Variants in NF2 observed in about 807,000 individuals in gnomAD.
NF2 encodes merlin.
NF2 carries 8 observed loss-of-function variants against 83.7 expected under a neutral mutation model. That is an observed-to-expected ratio of 0.10 (90% CI 0.06 to 0.17). The LOEUF is 0.17. Ranked by LOEUF, NF2 falls within the 10% of genes least tolerant of loss-of-function variation. The pLI is 1.00. For synonymous variants in NF2, 266 were observed against 269.6 expected, an observed-to-expected ratio of 0.99 and a Z score of 0.13; for missense variants, 533 against 744.4, an observed-to-expected ratio of 0.72 and a Z score of 3.31.
At chr22:29,649,784 A>AG (rs949519590) in intron 4 of NF2, among the ~76,000 whole-genome samples, 47 of 151,826 alleles carry the variant, frequency 3.1e-4, no homozygotes, top group African/African-American at 1.1e-3. Flanking sequence ...TGGTACAAAA[A>AG]AAAAAAAGAA....
At chr22:29,646,606 T>C (rs2065988119) in intron 4 of NF2, among the ~76,000 whole-genome samples, 2 of 152,222 alleles carry the variant, frequency 1.3e-5, no homozygotes, top group South Asian at 4.1e-4. Context: ...ACAAATGTAT[T>C]CATTACAGTA....
intron 1 of NF2, among the ~76,000 whole-genome samples, chr22:29,625,019 G>A (rs1021998548): frequency 7.0e-6 from 1 of 141,854 alleles, no homozygotes. Flanking sequence ...TGCAACCTCC[G>A]CCTCTGCCTC....
chr22:29,666,834 G>A (rs1041149394), intron 9 of NF2, among the ~76,000 whole-genome samples: 1 of 152,006 alleles, frequency 6.6e-6, no homozygotes, highest in Admixed American at 6.6e-5. Context: ...AAATTAGCTG[G>A]GCGTGGTGGC....
intron 14 of NF2, among the ~76,000 whole-genome samples, chr22:29,681,040 T>C (rs1377788783): frequency 1.3e-5 from 2 of 151,294 alleles, no homozygotes; most frequent in Non-Finnish European, 3.0e-5. Flanking sequence ...TACTCTTTCT[T>C]TTTCTTTCCT....
intron 3 of NF2, among the ~76,000 whole-genome samples, 161 bp downstream of exon 3, chr22:29,639,373 C>A (rs2065738690): frequency 6.6e-6 from 1 of 152,098 alleles, no homozygotes; most frequent in African/African-American, 2.4e-5. Flanking sequence ...GGCTTCAGAA[C>A]AGAACTATAC....
At chr22:29,681,744 T>C in intron 15 of NF2, 143 bp downstream of exon 15, 1 of 972,072 alleles carries the variant, frequency 1.0e-6, no homozygotes, top group Non-Finnish European at 1.6e-6. Context: ...TTTTTTAACT[T>C]ATGCCAGAAA....
intron 1 of NF2, among the ~76,000 whole-genome samples, chr22:29,621,113 C>A (rs2065208350): frequency 6.6e-6 from 1 of 152,162 alleles, no homozygotes; most frequent in Admixed American, 6.5e-5. Flanking sequence ...TAATATCGAC[C>A]AGTAAAGCCT....
intron 1 of NF2, among the ~76,000 whole-genome samples, chr22:29,623,751 A>G (rs2065274459): frequency 1.3e-5 from 2 of 152,146 alleles, no homozygotes; most frequent in Non-Finnish European, 2.9e-5. Flanking sequence ...TTACTTGTGT[A>G]AAATCATCAA....
chr22:29,694,910 T>C lies in NF2; in HGVS notation c.*108T>C. The stretch of plus-strand genomic sequence containing the variant: ...ATAGGGAGCTGGCTGGGGGTTTCCG[T>C]GGGAGCTCCAGAACTTTCCCCAGCT... On this transcript the variant is annotated 3_prime_UTR_variant, in exon 16 of 16. Coordinates refer to ENST00000338641, the MANE Select transcript of NF2 (RefSeq NM_000268.4). This position sits in a 1 kb window ranked among gnomAD's most constrained non-coding sequence, Gnocchi z 4.1. 2 of 1,196,056 alleles carry C rather than the reference T, an allele frequency of 1.7e-6. No individual in the cohort carries two copies. Among genetic ancestry groups the C allele is most frequent in the Non-Finnish European group, 2.4e-6 (2 of 824,984 alleles). 74.1% of individuals were successfully genotyped at this position (1,196,056 alleles called of 1,614,324 possible).
At chr22:29,683,122 C>A in intron 15 of NF2, 1 of 1,614,146 alleles carries the variant, frequency 6.2e-7, no homozygotes, top group African/African-American at 1.3e-5. Context: ...GTGATACTAA[C>A]CCGTGCATGA....
chr22:29,696,526 A>G lies in NF2; in HGVS notation c.*1724A>G. ...TCTGGCAATTCCATCTGGTTTTGAG[A>G]AACTTAGCAGCTCACAGAGCACAGA... On this transcript the variant is annotated 3_prime_UTR_variant, in exon 16 of 16. Transcript: ENST00000338641. The G allele has an allele frequency of 4.6e-6, 1 of 218,234 alleles. No homozygotes were observed. The highest frequency in any genetic ancestry group is 6.7e-5 in the East Asian group (1 of 14,946). 13.5% of individuals were successfully genotyped at this position (218,234 alleles called of 1,614,324 possible).
Position 29,694,917 on chromosome 22 carries a change from TC to T in NF2, c.*117del. On this transcript the variant is annotated 3_prime_UTR_variant, in exon 16 of 16. Transcript: ENST00000338641. This position sits in a 1 kb window ranked among gnomAD's most constrained non-coding sequence, Gnocchi z 4.1. ...GCTGGCTGGGGGTTTCCGTGGGAGC[TC>T]CAGAACTTTCCCCAGCTGAGTGAAG... 1 of 1,057,702 alleles carries T rather than the reference TC, an allele frequency of 9.5e-7. No homozygotes were observed. The highest frequency in any genetic ancestry group is 1.4e-6 in the Non-Finnish European group (1 of 700,736). 65.5% of individuals were successfully genotyped at this position (1,057,702 alleles called of 1,614,324 possible).
intron 1 of NF2, among the ~76,000 whole-genome samples, chr22:29,617,865 G>C (rs567987269): frequency 6.6e-6 from 1 of 152,314 alleles, no homozygotes; most frequent in African/African-American, 2.4e-5. Context: ...AAAGAAGACA[G>C]ACCTGGGCTT....
intron 6 of NF2, 58 bp from the exon 7 acceptor site, chr22:29,658,131 C>T (rs951096625): frequency 7.3e-5 from 112 of 1,531,812 alleles, no homozygotes; most frequent in Non-Finnish European, 9.9e-5. Context: ...TTGGTGCCCA[C>T]CCGCTCTCCA....
rs2146856789 is a variant in NF2, at chr22:29,636,968, A to G, written c.240+92A>G. The G allele has an allele frequency of 6.4e-7, 1 of 1,572,944 alleles. No homozygotes were observed. Among genetic ancestry groups the G allele is most frequent in the South Asian group, 1.1e-5 (1 of 89,964 alleles). On this transcript the variant is annotated intron_variant, in intron 2 of 15. Transcript: ENST00000338641. This position sits in a 1 kb window ranked among gnomAD's most constrained non-coding sequence, Gnocchi z 4.4. The stretch of plus-strand genomic sequence containing the variant: ...GCCTAGCTCATCACTGGGGCGCTGT[A>G]GCTGTATAGTAGAGAAGGGGGCACA...
intron 4 of NF2, among the ~76,000 whole-genome samples, chr22:29,642,848 T>C (rs1459121393): frequency 1.3e-5 from 2 of 152,200 alleles, no homozygotes; most frequent in Non-Finnish European, 2.9e-5. Flanking sequence ...TGCCCCTGAT[T>C]GACATGCTAG....
At chr22:29,644,502 C>T (rs1484377126) in intron 4 of NF2, among the ~76,000 whole-genome samples, 4 of 151,882 alleles carry the variant, frequency 2.6e-5, no homozygotes, top group Admixed American at 6.5e-5. Context: ...AGACGCTCCT[C>T]ACTTCCCAGA....
At chr22:29,622,494 GC>G (rs1326995981) in intron 1 of NF2, among the ~76,000 whole-genome samples, 1 of 151,854 alleles carries the variant, frequency 6.6e-6, no homozygotes, top group Non-Finnish European at 1.5e-5. Context: ...TATTTGGTAT[GC>G]CCACCTAGAT....
intron 15 of NF2, among the ~76,000 whole-genome samples, chr22:29,688,558 A>G (rs1028507522): frequency 2.6e-5 from 4 of 152,182 alleles, no homozygotes; most frequent in Non-Finnish European, 5.9e-5. Flanking sequence ...CCATTAGGCC[A>G]TTTGTCAGGG....
Sources: gnomAD v4.1 joint callset for allele counts (sites outside exome capture counted in the v4.1 genomes callset) on GRCh38, gnomAD v4.1.1 for gene constraint, Gnocchi (gnomAD v3.1) non-coding constraint, MANE v1.5 for transcripts, NCBI Gene and HGNC (gene_info 2026-07-23, HGNC 2026-07-21) for gene names.